IKBKB: variants seen among roughly 807,000 people sequenced by gnomAD.
IKBKB encodes the protein inhibitor of nuclear factor kappa B kinase subunit beta, also known as inhibitor of nuclear factor kappa-B kinase subunit beta.
Under a neutral mutation model 113.6 loss-of-function variants are expected in IKBKB, and 42 were observed. The ratio of observed to expected loss-of-function variants is 0.37; its 90% CI spans 0.29 to 0.48. IKBKB has a LOEUF of 0.48. Among genes scored for constraint, IKBKB ranks in the 20% least tolerant of loss-of-function variants. The pLI is 0.99. For missense variants in IKBKB, 673 were observed against 939.7 expected (o/e 0.72, Z 3.71); for synonymous variants, 296 against 361.3 (o/e 0.82, Z 2.05).
intron 2 of IKBKB, among the ~76,000 whole-genome samples, chr8:42,277,605 C>G (rs898437338): frequency 2.0e-5 from 3 of 152,342 alleles, no homozygotes; most frequent in African/African-American, 7.2e-5. Context: ...CTGTTTTGAG[C>G]GCTGAGCCCT....
chr8:42,326,565 C>G (rs575661142), intron 20 of IKBKB: 6 of 157,554 alleles, frequency 3.8e-5, no homozygotes, highest in African/African-American at 1.4e-4. Flanking sequence ...TGCCTCCTGC[C>G]TCCTGCCTTT....
At position 42,318,691 on chromosome 8, in the gene IKBKB, T is replaced by A. The variant is rs778623120; in HGVS notation, c.1364+16T>A. The A allele has an allele frequency of 6.3e-7, 1 of 1,575,190 alleles. No homozygotes were observed. Among genetic ancestry groups the A allele is most frequent in the Non-Finnish European group, 8.6e-7 (1 of 1,162,280 alleles). ...GAGCCGCCATGTAGCGTGCCAGGCT[T>A]TTTTTTTAAACTTAATTTATTTAAA... On this transcript the variant is annotated intron_variant, in intron 13 of 21. Transcript: ENST00000520810.
At chr8:42,311,907 G>C (rs1817779559) in intron 8 of IKBKB, among the ~76,000 whole-genome samples, 1 of 152,072 alleles carries the variant, frequency 6.6e-6, no homozygotes, top group South Asian at 2.1e-4. Flanking sequence ...TGTTTTTTGA[G>C]ACAGAATCTC....
At chr8:42,319,442 G>C in intron 14 of IKBKB, 21 bp downstream of exon 14, 1 of 1,613,904 alleles carries the variant, frequency 6.2e-7, no homozygotes, top group South Asian at 1.1e-5. Flanking sequence ...ACTTTGCAAT[G>C]AGTTTAAAGA....
Position 42,298,631 on chromosome 8 carries a change from A to C in IKBKB, c.388+5119A>C, listed in dbSNP as rs1464801246. The stretch of plus-strand genomic sequence containing the variant: ...TAACCAGGTTAATAAATACAGTAAC[A>C]ATGAGAGAGAAGACAGCAGGCCCTC... On this transcript the variant is annotated intron_variant, in intron 5 of 21. Coordinates refer to ENST00000520810, the MANE Select transcript of IKBKB (RefSeq NM_001556.3). 1.1e-5 allele frequency: 3 copies of C among 276,758 alleles called. No individual in the cohort carries two copies. The East Asian group carries it at 5.3e-4, about 48-fold the overall frequency. The allele number at this position is 276,758 out of a possible 1,614,324, so 17.1% of individuals were successfully genotyped here.
chr8:42,272,236 G>T (rs200856271), intron 2 of IKBKB, 31 bp downstream of exon 2: 1 of 1,613,788 alleles, frequency 6.2e-7, no homozygotes, highest in South Asian at 1.1e-5. Flanking sequence ...GGGGAGGGGC[G>T]GGGAGCCAGG....
In IKBKB at chr8:42,284,709, C is replaced by G. The variant is rs1440407398; in HGVS notation, c.106-3925C>G. 1.3e-5 allele frequency among the ~76,000 whole-genome samples: 2 copies of G among 152,032 alleles called. 1 individual carries two copies. The highest frequency in any genetic ancestry group is 2.9e-5 in the Non-Finnish European group (2 of 68,026). On this transcript the variant is annotated intron_variant, in intron 2 of 21. Coordinates refer to ENST00000520810, the MANE Select transcript of IKBKB (RefSeq NM_001556.3). Reference sequence around the variant, plus strand: ...GCAGAGCTGCTGTGGATGAAGCTACCACAGAACTGGGCAAAAATGTGTCTG... The same window carrying G: ...GCAGAGCTGCTGTGGATGAAGCTACGACAGAACTGGGCAAAAATGTGTCTG...
At chr8:42,302,201 C>T (rs928506100) in intron 5 of IKBKB, among the ~76,000 whole-genome samples, 2 of 152,130 alleles carry the variant, frequency 1.3e-5, no homozygotes, top group African/African-American at 4.8e-5. Flanking sequence ...ATTTATTATG[C>T]TTTTTCATTT....
In IKBKB at chr8:42,331,832, C is replaced by A. The variant is rs554119772; in HGVS notation, c.*853C>A. Reference sequence around the variant, plus strand: ...CCATGCCCATGTCTCCATTCCTGCTCAAGCGTGTGTGCTGGGCCGGGGAGT... The same window carrying A: ...CCATGCCCATGTCTCCATTCCTGCTAAAGCGTGTGTGCTGGGCCGGGGAGT... On this transcript the variant is annotated 3_prime_UTR_variant, in exon 22 of 22. Coordinates refer to ENST00000520810, the MANE Select transcript of IKBKB (RefSeq NM_001556.3). 4.0e-6 allele frequency: 1 copy of A among 249,088 alleles called. No individual in the cohort carries two copies. Among genetic ancestry groups the A allele is most frequent in the Non-Finnish European group, 7.9e-6 (1 of 125,788 alleles). 15.4% of individuals were successfully genotyped at this position (249,088 alleles called of 1,614,324 possible). A position where few individuals can be genotyped will look rare whatever the true frequency, so the allele number is the denominator to read the frequency against.
In IKBKB at chr8:42,331,479, T is replaced by C. The variant is rs1821679732; in HGVS notation, c.*500T>C. 1.4e-6 allele frequency: 1 copy of C among 692,640 alleles called. No individual in the cohort carries two copies. Among genetic ancestry groups the C allele is most frequent in the East Asian group, 2.7e-5 (1 of 37,160 alleles). The allele number at this position is 692,640 out of a possible 1,614,324, so 42.9% of individuals were successfully genotyped here. ...CAAAGGCCCTGCTCCCTGTCCTCTCTCACTTTACAGCTTGTGTTTCTTCTG... is the reference window on the plus strand; with the variant it reads ...CAAAGGCCCTGCTCCCTGTCCTCTCCCACTTTACAGCTTGTGTTTCTTCTG... On this transcript the variant is annotated 3_prime_UTR_variant, in exon 22 of 22. Transcript: ENST00000520810.
chr8:42,322,276 A>C, intron 18 of IKBKB, 71 bp from the exon 19 acceptor site: 1 of 1,590,272 alleles, frequency 6.3e-7, no homozygotes, highest in Non-Finnish European at 8.6e-7. Context: ...TGCTGACTGG[A>C]TGCACAGCTG....
At chr8:42,309,074 T>C (rs1421630767) in intron 8 of IKBKB, 49 bp downstream of exon 8, 2 of 1,583,752 alleles carry the variant, frequency 1.3e-6, no homozygotes, top group Non-Finnish European at 1.7e-6. Context: ...TGTCTGTTCC[T>C]TTCTCTTCAC....
At chr8:42,322,798 G>A (rs373970658) in intron 19 of IKBKB, among the ~76,000 whole-genome samples, 6 of 152,162 alleles carry the variant, frequency 3.9e-5, no homozygotes, top group Admixed American at 1.3e-4. Context: ...TGCCTGTAAC[G>A]CCAGCAATTT....
chr8:42,316,881 A>G lies in IKBKB; in HGVS notation c.1102A>G (p.Thr368Ala). 1 of 1,614,058 alleles carries G rather than the reference A, an allele frequency of 6.2e-7. No homozygotes were observed. Among genetic ancestry groups the G allele is most frequent in the Non-Finnish European group, 8.5e-7 (1 of 1,179,990 alleles). Residue 368 changes from threonine to alanine, a missense_variant, in exon 11 of 22, where the codon ACT (threonine) becomes GCT (alanine). Thr to Ala is a moderately conservative substitution (Grantham distance 58). This residue lies in a region of IKBKB where 506 missense variants were observed against 638.7 expected (regional missense o/e 0.79). Transcript: ENST00000520810. This position sits in a 1 kb window ranked among gnomAD's most constrained non-coding sequence, Gnocchi z 4.5. ...GGCGTTGATCCCCGATAAGCCTGCC[A>G]CTCAGTGTATTTCAGACGGCAAGGT... ...GLALIPDKPATQCISDGKLNE... is the reference protein window; with the variant it reads ...GLALIPDKPAAQCISDGKLNE...
rs573675284 is a variant in IKBKB, at chr8:42,320,078, T to A, written c.1578+432T>A. ...TAAATCAGATGTCACCAAAAAAAGT[T>A]AATTATGAAGGCAAAGGAAATACAT... is the stretch of plus-strand genomic sequence containing the variant. On this transcript the variant is annotated intron_variant, in intron 15 of 21. Coordinates refer to ENST00000520810, the MANE Select transcript of IKBKB (RefSeq NM_001556.3). The A allele has an allele frequency of 2.5e-5, 4 of 162,000 alleles. No homozygotes were observed. The South Asian group carries it at 7.7e-4, about 31-fold the overall frequency. The allele number at this position is 162,000 out of a possible 1,614,324, so 10.0% of individuals were successfully genotyped here. A position where few individuals can be genotyped will look rare whatever the true frequency, so the allele number is the denominator to read the frequency against.
chr8:42,298,048 G>A (rs1362114096), intron 5 of IKBKB: 15 of 979,028 alleles, frequency 1.5e-5, no homozygotes, highest in Middle Eastern at 5.2e-4. Context: ...GGACTGCCAC[G>A]TAATGTGACC....
chr8:42,325,078 G>T lies in IKBKB; in HGVS notation c.1987-892G>T, dbSNP rs562097465. Reference sequence around the variant, plus strand: ...GACTGCAGGCCGAAGTGAGTGTCAGGTGTGGGGCCTGGGGGGCTACATGGG... The same window carrying T: ...GACTGCAGGCCGAAGTGAGTGTCAGTTGTGGGGCCTGGGGGGCTACATGGG... On this transcript the variant is annotated intron_variant, in intron 19 of 21. Transcript: ENST00000520810. 6 of 207,302 alleles carry T rather than the reference G, an allele frequency of 2.9e-5. No homozygotes were observed. The South Asian group carries it at 1.0e-3, about 35-fold the overall frequency. The allele number at this position is 207,302 out of a possible 1,614,324, so 12.8% of individuals were successfully genotyped here. A position where few individuals can be genotyped will look rare whatever the true frequency, so the allele number is the denominator to read the frequency against.
chr8:42,319,228 A>G, intron 13 of IKBKB, 42 bp from the exon 14 acceptor site: 4 of 1,596,436 alleles, frequency 2.5e-6, no homozygotes, highest in Non-Finnish European at 3.4e-6. Flanking sequence ...TGGAATTTGG[A>G]TCCCAGAGAT....
Position 42,329,825 on chromosome 8 carries a change from G to A in IKBKB, c.2205+611G>A, listed in dbSNP as rs576812980. The stretch of plus-strand genomic sequence containing the variant: ...CAAGTTACAGGTACATTAAGACAAA[G>A]CTTCCATTGTTGAGAGAATCCTGCA... On this transcript the variant is annotated intron_variant, in intron 21 of 21. Transcript: ENST00000520810. 1.6e-5 allele frequency: 16 copies of A among 985,356 alleles called. No individual in the cohort carries two copies. The South Asian group carries it at 6.1e-4, about 38-fold the overall frequency. The allele number at this position is 985,356 out of a possible 1,614,324, so 61.0% of individuals were successfully genotyped here. A position where few individuals can be genotyped will look rare whatever the true frequency, so the allele number is the denominator to read the frequency against.
Sources: allele counts gnomAD v4.1 joint callset (sites outside exome capture counted in the v4.1 genomes callset), GRCh38; gene constraint gnomAD v4.1.1; regional missense constraint gnomAD v4.1.1; non-coding constraint Gnocchi (gnomAD v3.1); transcripts MANE v1.5; gene names NCBI Gene and HGNC (gene_info 2026-07-23, HGNC 2026-07-21).